DPP10: variants seen among roughly 807,000 people sequenced by gnomAD.
DPP10 encodes the protein dipeptidyl peptidase like 10, also known as inactive dipeptidyl peptidase 10.
In DPP10, 33 loss-of-function variants were observed where a neutral mutation model predicts 120.9. The observed-to-expected ratio is 0.27, with a 90% confidence interval of 0.21 to 0.37. The LOEUF (loss-of-function observed/expected upper bound fraction) is 0.37. Among genes scored for constraint, DPP10 ranks in the 10% least tolerant of loss-of-function variants. The pLI is 1.00. For missense variants in DPP10, 816 were observed against 942.8 expected, an observed-to-expected ratio of 0.87 and a Z score of 1.76; for synonymous variants, 337 against 326.1, an observed-to-expected ratio of 1.03 and a Z score of -0.36.
At chr2:115,248,199 T>C (rs2058615445) in intron 1 of DPP10, among the ~76,000 whole-genome samples, 1 of 152,182 alleles carries the variant, frequency 6.6e-6, no homozygotes, top group Admixed American at 6.6e-5. Context: ...AAGGCAGCTC[T>C]TAGTTTTTAT....
intron 1 of DPP10, among the ~76,000 whole-genome samples, chr2:114,546,809 T>A (rs1687439381): frequency 6.6e-6 from 1 of 152,252 alleles, no homozygotes; most frequent in Admixed American, 6.5e-5. Context: ...TAACCTCGTT[T>A]TCTTAATTAC....
chr2:115,510,410 A>AT lies in DPP10; in HGVS notation c.366+10815dup, dbSNP rs1459494972. Among the ~76,000 whole-genome samples, 9 of 151,598 alleles carry AT rather than the reference A, an allele frequency of 5.9e-5. No homozygotes were observed. In the South Asian group the frequency reaches 6.3e-4, roughly 11 times the overall value. ...TTATCCATGTAACATTTTTGAAAAG[A>AT]TTTTTTTTTCTGTTGAATAATTTTG... On this transcript the variant is annotated intron_variant, in intron 4 of 25. Transcript: ENST00000410059.
intron 1 of DPP10, among the ~76,000 whole-genome samples, chr2:115,137,648 C>T (rs1212676935): frequency 6.6e-6 from 1 of 152,156 alleles, no homozygotes; most frequent in Non-Finnish European, 1.5e-5. Context: ...TTGGAGAGAG[C>T]TGTCCATTCA....
chr2:115,607,792 G>C (rs574405613), intron 5 of DPP10, among the ~76,000 whole-genome samples: 5 of 152,072 alleles, frequency 3.3e-5, no homozygotes, highest in Non-Finnish European at 5.9e-5. Flanking sequence ...AATTTGGTGG[G>C]GTAATGTAAA....
chr2:114,903,314 A>G (rs997266803), intron 1 of DPP10, among the ~76,000 whole-genome samples: 1 of 152,196 alleles, frequency 6.6e-6, no homozygotes, highest in Non-Finnish European at 1.5e-5. Context: ...AAGGCATTCA[A>G]TGAATAATAT....
intron 1 of DPP10, among the ~76,000 whole-genome samples, chr2:114,656,690 G>A (rs1696990632): frequency 6.6e-6 from 1 of 152,092 alleles, no homozygotes; most frequent in Admixed American, 6.6e-5. Context: ...TAGTATGTTT[G>A]TGCACATGTG....
At chr2:114,508,062 C>G in intron 1 of DPP10, among the ~76,000 whole-genome samples, 1 of 151,844 alleles carries the variant, frequency 6.6e-6, no homozygotes, top group East Asian at 1.9e-4. Context: ...TTCCATCTCT[C>G]TCTCCTCCTT....
At chr2:115,529,233 G>C (rs527246647) in intron 5 of DPP10, among the ~76,000 whole-genome samples, 1 of 151,728 alleles carries the variant, frequency 6.6e-6, no homozygotes, top group Non-Finnish European at 1.5e-5. Flanking sequence ...TACAATGCAC[G>C]ATCTCTGCTC....
intron 1 of DPP10, among the ~76,000 whole-genome samples, chr2:114,953,780 T>C (rs932820672): frequency 3.9e-5 from 6 of 152,176 alleles, no homozygotes; most frequent in Non-Finnish European, 7.4e-5. Flanking sequence ...ATGAATGTTC[T>C]AATTTTTAAA....
At chr2:115,030,834 A>G (rs1178840273) in intron 1 of DPP10, among the ~76,000 whole-genome samples, 1 of 152,144 alleles carries the variant, frequency 6.6e-6, no homozygotes, top group Non-Finnish European at 1.5e-5. Context: ...ATTAGTTCAA[A>G]AATTGGGGAA....
At chr2:114,522,220 A>G (rs1048081383) in intron 1 of DPP10, among the ~76,000 whole-genome samples, 1 of 149,770 alleles carries the variant, frequency 6.7e-6, no homozygotes, top group Non-Finnish European at 1.5e-5. Context: ...TCCTGACCTC[A>G]TGATCCGCCC....
chr2:115,516,645 G>A (rs1042206688), intron 4 of DPP10, among the ~76,000 whole-genome samples: 5 of 124,554 alleles, frequency 4.0e-5, no homozygotes, highest in South Asian at 2.5e-4. Flanking sequence ...TATATTTTTT[G>A]TTGCTTGCAT....
At chr2:114,758,585 A>G (rs1244558376) in intron 1 of DPP10, among the ~76,000 whole-genome samples, 1 of 152,170 alleles carries the variant, frequency 6.6e-6, no homozygotes, top group Non-Finnish European at 1.5e-5. Flanking sequence ...ATAGCTTTTA[A>G]TTGTCCGTTC....
At chr2:114,500,816 A>G (rs775835194) in intron 1 of DPP10, among the ~76,000 whole-genome samples, 51 of 152,202 alleles carry the variant, frequency 3.4e-4, no homozygotes, top group Non-Finnish European at 5.6e-4. Flanking sequence ...AGCCCAACAC[A>G]GGTCATTTGG....
At chr2:114,630,842 C>G (rs991026115) in intron 1 of DPP10, among the ~76,000 whole-genome samples, 5 of 152,138 alleles carry the variant, frequency 3.3e-5, no homozygotes, top group African/African-American at 1.2e-4. Flanking sequence ...CCCACCCCTC[C>G]CTACCATGTG....
At position 114,459,193 on chromosome 2, in the gene DPP10, T is replaced by C. The variant is rs953950565; in HGVS notation, c.60+16355T>C. Among the ~76,000 whole-genome samples the C allele has an allele frequency of 3.3e-5, 5 of 152,212 alleles. No individual in the cohort carries two copies. The East Asian group carries it at 9.6e-4, about 29-fold the overall frequency. ...TTTGTCATGGTTGCCGTTCCCTATA[T>C]CATGCTGTTCTTACCGTTGCTGTGA... On this transcript the variant is annotated intron_variant, in intron 1 of 25. Coordinates refer to ENST00000410059, the MANE Select transcript of DPP10 (RefSeq NM_020868.6).
chr2:114,773,479 A>G (rs969731757), intron 1 of DPP10, among the ~76,000 whole-genome samples: 1 of 150,552 alleles, frequency 6.6e-6, no homozygotes, highest in Non-Finnish European at 1.5e-5. Context: ...TACAAATTAT[A>G]ACTCAACAGG....
At chr2:115,380,122 T>C (rs955654465) in intron 3 of DPP10, among the ~76,000 whole-genome samples, 6 of 152,184 alleles carry the variant, frequency 3.9e-5, no homozygotes, top group Admixed American at 6.5e-5. Context: ...ACTTTCTGTC[T>C]CGTTGATCTG....
rs757690955 is a variant in DPP10, at chr2:114,522,275, C to T, written c.60+79437C>T. ...CTGGGATTACAGGCGTGAGCCACCG[C>T]GCCCGGCCTATCCAAGGTTTTTATA... is the stretch of plus-strand genomic sequence containing the variant. On this transcript the variant is annotated intron_variant, in intron 1 of 25. Coordinates refer to ENST00000410059, the MANE Select transcript of DPP10 (RefSeq NM_020868.6). Among the ~76,000 whole-genome samples the T allele has an allele frequency of 4.0e-4, 61 of 152,242 alleles. No individual in the cohort carries two copies. The Middle Eastern group carries it at 0.014, about 34-fold the overall frequency.
Sources: gnomAD v4.1 joint callset for allele counts (sites outside exome capture counted in the v4.1 genomes callset) on GRCh38, gnomAD v4.1.1 for gene constraint, MANE v1.5 for transcripts, NCBI Gene and HGNC (gene_info 2026-07-23, HGNC 2026-07-21) for gene names.